The following KDM2A variants were observed in gnomAD, a reference collection of about 807,000 sequenced individuals.
KDM2A encodes lysine-specific demethylase 2A.
A neutral mutation model predicts 137.3 loss-of-function variants in KDM2A; 3 were observed. The observed-to-expected ratio is 0.02, with a 90% confidence interval of 0.01 to 0.06. The LOEUF (loss-of-function observed/expected upper bound fraction) is 0.06. KDM2A is among the 10% of genes least tolerant of loss of function. KDM2A has a pLI of 1.00. For missense variants in KDM2A, 738 were observed against 1,510.6 expected, an observed-to-expected ratio of 0.49 and a Z score of 8.48; for synonymous variants, 512 against 541.5, an observed-to-expected ratio of 0.95 and a Z score of 0.76.
rs896747569 is a variant in KDM2A, at chr11:67,121,557, T to C, written c.42+199T>C. Among the ~76,000 whole-genome samples, 3 of 152,348 alleles carry C rather than the reference T, an allele frequency of 2.0e-5. No individual in the cohort carries two copies. The South Asian group carries it at 6.2e-4, about 32-fold the overall frequency. Reference sequence around the variant, plus strand: ...TTTTATATTTTATATATTTATCTTGTTTGGAAATGGAGTTATATGTAGCCT... The same window carrying C: ...TTTTATATTTTATATATTTATCTTGCTTGGAAATGGAGTTATATGTAGCCT... On this transcript the variant is annotated intron_variant, in intron 2 of 20. Transcript: ENST00000529006.
intron 16 of KDM2A, chr11:67,248,741 A>T (rs1014527761): frequency 1.1e-5 from 2 of 183,212 alleles, no homozygotes; most frequent in Admixed American, 1.2e-4. Flanking sequence ...GCAGCCAGTG[A>T]GTGCAGCAGT....
chr11:67,156,447 G>T (rs887256619), intron 2 of KDM2A, among the ~76,000 whole-genome samples: 1 of 151,820 alleles, frequency 6.6e-6, no homozygotes, highest in Admixed American at 6.6e-5. Context: ...GGCCAGGCGC[G>T]GTGGCTCTCG....
chr11:67,225,187 C>T (rs1490117328), intron 10 of KDM2A, among the ~76,000 whole-genome samples: 2 of 152,154 alleles, frequency 1.3e-5, no homozygotes, highest in South Asian at 2.1e-4. Context: ...ATTATTTTCA[C>T]ATCACTCTAG....
chr11:67,175,029 G>T (rs1856948753), intron 2 of KDM2A, among the ~76,000 whole-genome samples: 1 of 152,102 alleles, frequency 6.6e-6, no homozygotes, highest in South Asian at 2.1e-4. Context: ...AAGCCAATTT[G>T]TATTATTTGG....
At position 67,231,584 on chromosome 11, in the gene KDM2A, T is replaced by G; in HGVS notation, c.1103T>G (p.Leu368Trp). The G allele has an allele frequency of 6.2e-7, 1 of 1,606,154 alleles. No homozygotes were observed. Among genetic ancestry groups the G allele is most frequent in the Admixed American group, 1.7e-5 (1 of 58,580 alleles). Residue 368 changes from leucine (L) to tryptophan (W), a missense_variant, in exon 12 of 21, where the codon TTG becomes TGG. Coordinates refer to ENST00000529006, the MANE Select transcript of KDM2A (RefSeq NM_012308.3). ...TTGGTAGATTTGGAGTTAAATGGGT[T>G]GGAGTCTGGGAATGGGGATGAGGAA... ...SLSMDLELNG[L>W]ESGNGDEEAV...
chr11:67,148,461 A>G (rs1856306825), intron 2 of KDM2A, among the ~76,000 whole-genome samples: 1 of 129,456 alleles, frequency 7.7e-6, no homozygotes, highest in African/African-American at 4.9e-5. Context: ...TCATGGGGTA[A>G]AACTCAAATA....
At chr11:67,239,980 A>C in intron 12 of KDM2A, 2 of 1,138,318 alleles carry the variant, frequency 1.8e-6, no homozygotes, top group East Asian at 3.3e-5. Context: ...CCGGCTCTGC[A>C]GCAGAACGGC....
chr11:67,131,982 C>G (rs1855863835), intron 2 of KDM2A: 1 of 152,072 alleles, frequency 6.6e-6, no homozygotes, highest in Admixed American at 6.6e-5. Context: ...TCTGTGAGTA[C>G]TTGGTAAAAA....
rs1334211469 is a variant in KDM2A, at chr11:67,230,216, G to A, written c.1085-1350G>A. ...TACATCTAATAGAGCTAGGCACTGT[G>A]ATGAGCACCTGTAGTCCCAGCTAGT... On this transcript the variant is annotated intron_variant, in intron 11 of 20. Coordinates refer to ENST00000529006, the MANE Select transcript of KDM2A (RefSeq NM_012308.3). Among the ~76,000 whole-genome samples the A allele has an allele frequency of 2.0e-5, 3 of 152,068 alleles. No homozygotes were observed. The South Asian group carries it at 6.2e-4, about 32-fold the overall frequency.
At chr11:67,196,091 C>T in intron 5 of KDM2A, 1 of 394,216 alleles carries the variant, frequency 2.5e-6, no homozygotes, top group South Asian at 1.9e-5. Context: ...GTCACACGAA[C>T]ATAATTGTCG....
chr11:67,145,422 G>A (rs184914880), intron 2 of KDM2A, among the ~76,000 whole-genome samples: 1 of 151,994 alleles, frequency 6.6e-6, no homozygotes, highest in African/African-American at 2.4e-5. Context: ...CCCGGGAGGT[G>A]TAGGTGCCAG....
chr11:67,139,468 C>T (rs189366553), intron 2 of KDM2A, among the ~76,000 whole-genome samples: 28 of 152,246 alleles, frequency 1.8e-4, no homozygotes, highest in African/African-American at 6.5e-4. Flanking sequence ...TGGTCTTGAA[C>T]TCCTGACCTC....
rs562323993 is a variant in KDM2A, at chr11:67,125,861, T to C, written c.42+4503T>C. On this transcript the variant is annotated intron_variant, in intron 2 of 20. Transcript: ENST00000529006. ...CAGGAGGCTGAGTCAGGAGAATCAC[T>C]TGAACCGGGAGGCAGAGGTTGCAGT... 6.0e-5 allele frequency among the ~76,000 whole-genome samples: 9 copies of C among 149,068 alleles called. No homozygotes were observed. In the East Asian group the frequency reaches 1.8e-3, roughly 29 times the overall value.
intron 5 of KDM2A, among the ~76,000 whole-genome samples, chr11:67,184,521 A>C (rs1443172367): frequency 6.6e-6 from 1 of 151,578 alleles, no homozygotes; most frequent in Non-Finnish European, 1.5e-5. Context: ...CCAGCTACTC[A>C]GGAGGCTGAG....
chr11:67,231,590 C>G lies in KDM2A; in HGVS notation c.1109C>G (p.Ser370Cys). ...SMDLELNGLE[S>C]GNGDEEAVDR... ...GATTTGGAGTTAAATGGGTTGGAGT[C>G]TGGGAATGGGGATGAGGAAGCAGTG... The change falls in exon 12 of 21, where the codon TCT becomes TGT. Residue 370 changes from serine to cysteine, a missense_variant. Ser to Cys is a moderately radical substitution (Grantham distance 112). Transcript: ENST00000529006. The G allele has an allele frequency of 6.2e-7, 1 of 1,607,730 alleles. No individual in the cohort carries two copies. Among genetic ancestry groups the G allele is most frequent in the South Asian group, 1.1e-5 (1 of 89,988 alleles).
chr11:67,126,684 G>A (rs1352099672), intron 2 of KDM2A, among the ~76,000 whole-genome samples: 1 of 150,892 alleles, frequency 6.6e-6, no homozygotes, highest in Non-Finnish European at 1.5e-5. Context: ...CTCCAGCCTG[G>A]GCGACAGAGC....
chr11:67,130,613 C>T (rs1286157676), intron 2 of KDM2A, among the ~76,000 whole-genome samples: 2 of 152,178 alleles, frequency 1.3e-5, no homozygotes, highest in Non-Finnish European at 2.9e-5. Context: ...TGTAGATAGA[C>T]ATACATTCTT....
rs1193922774 is a variant in KDM2A at position 67,247,062 on chromosome 11, TA to T, written c.1965+947del. 5.7e-3 allele frequency among the ~76,000 whole-genome samples: 189 copies of T among 33,318 alleles called. 3 individuals carry two copies. Among genetic ancestry groups the T allele is most frequent in the African/African-American group, 0.021 (152 of 7,364 alleles). The allele number at this position is 33,318 out of a possible 152,430, so 21.9% of individuals were successfully genotyped here. ...TTATATATATATATATATATATATA[TA>T]TATATATATTTTTTTTTTTTTTTTT... On this transcript the variant is annotated intron_variant, in intron 15 of 20. Transcript: ENST00000529006.
intron 10 of KDM2A, among the ~76,000 whole-genome samples, chr11:67,224,629 G>GTCTA (rs1858476949): frequency 6.6e-6 from 1 of 150,450 alleles, no homozygotes; most frequent in African/African-American, 2.4e-5. Flanking sequence ...CACCAAGCCC[G>GTCTA]GCCAATTTTT....
Sources: gnomAD v4.1 joint callset for allele counts (sites outside exome capture counted in the v4.1 genomes callset) on GRCh38, gnomAD v4.1.1 for gene constraint, MANE v1.5 for transcripts, NCBI Gene and HGNC (gene_info 2026-07-23, HGNC 2026-07-21) for gene names.